GRID2: variants seen among roughly 807,000 people sequenced by gnomAD.
GRID2 encodes glutamate ionotropic receptor delta type subunit 2.
A neutral mutation model predicts 114.8 loss-of-function variants in GRID2; 33 were observed. The observed-to-expected ratio is 0.29, with a 90% CI of 0.22 to 0.38. The LOEUF (loss-of-function observed/expected upper bound fraction) is 0.38, where lower values mean the gene tolerates loss of function less well. GRID2 is among the 10% of genes least tolerant of loss of function. The pLI is 1.00. For missense variants in GRID2, 1,184 were observed against 1,257.7 expected, an observed-to-expected ratio of 0.94 and a Z score of 0.89; for synonymous variants, 505 against 449.9, an observed-to-expected ratio of 1.12 and a Z score of -1.55.
intron 6 of GRID2, among the ~76,000 whole-genome samples, chr4:93,220,847 C>T (rs902932006): frequency 3.9e-5 from 6 of 152,090 alleles, no homozygotes; most frequent in Non-Finnish European, 2.9e-5. Flanking sequence ...TCTATCACTA[C>T]GTGAATGAAG....
chr4:92,588,269 A>G (rs1394064240), intron 1 of GRID2, among the ~76,000 whole-genome samples: 1 of 152,114 alleles, frequency 6.6e-6, no homozygotes, highest in Non-Finnish European at 1.5e-5. Context: ...TTCAGAAAAG[A>G]CAGGTTAAGT....
chr4:93,604,445 T>C (rs1217093039), intron 13 of GRID2, among the ~76,000 whole-genome samples: 3 of 152,216 alleles, frequency 2.0e-5, no homozygotes, highest in African/African-American at 7.2e-5. Context: ...AATGGTTTCT[T>C]GAGATGGAAT....
intron 11 of GRID2, among the ~76,000 whole-genome samples, chr4:93,483,624 T>G (rs1726082915): frequency 6.6e-6 from 1 of 152,022 alleles, no homozygotes; most frequent in African/African-American, 2.4e-5. Context: ...TTCCCAAACT[T>G]GCCTGAAGAA....
intron 2 of GRID2, among the ~76,000 whole-genome samples, chr4:92,825,915 C>G (rs1396495568): frequency 6.6e-6 from 1 of 152,086 alleles, no homozygotes. Context: ...CTGCTTAAGC[C>G]ACTTTTGGTT....
intron 2 of GRID2, among the ~76,000 whole-genome samples, chr4:92,643,099 T>G (rs982446102): frequency 6.6e-6 from 1 of 151,828 alleles, no homozygotes; most frequent in African/African-American, 2.4e-5. Flanking sequence ...TGGTTCCATG[T>G]GAATTTTAGA....
chr4:93,758,909 G>T (rs1436908357), intron 14 of GRID2, among the ~76,000 whole-genome samples: 1 of 151,672 alleles, frequency 6.6e-6, no homozygotes, highest in East Asian at 1.9e-4. Flanking sequence ...ATCACACTGA[G>T]CTTAAGGATG....
At chr4:93,482,388 G>A (rs1725957622) in intron 11 of GRID2, among the ~76,000 whole-genome samples, 1 of 151,972 alleles carries the variant, frequency 6.6e-6, no homozygotes, top group African/African-American at 2.4e-5. Flanking sequence ...CCTTTGCAAG[G>A]ACATGGATGA....
intron 10 of GRID2, among the ~76,000 whole-genome samples, chr4:93,430,030 C>T (rs1268229613): frequency 6.6e-6 from 1 of 152,128 alleles, no homozygotes; most frequent in Non-Finnish European, 1.5e-5. Context: ...GACTACACAG[C>T]TTTCCTAATT....
At position 92,499,718 on chromosome 4, in the gene GRID2, G is replaced by A. The variant is rs139196178; in HGVS notation, c.89-90413G>A. ...ACCTCTCTGCCTTCTGGGTTCATGC[G>A]ATTCTCCTGCCTCAGCCTCCCAAGT... is the stretch of plus-strand genomic sequence containing the variant. On this transcript the variant is annotated intron_variant, in intron 1 of 15. Transcript: ENST00000282020. Among the ~76,000 whole-genome samples the A allele has an allele frequency of 5.4e-3, 815 of 152,222 alleles. 7 individuals carry two copies. Among genetic ancestry groups the A allele is most frequent in the African/African-American group, 0.019 (775 of 41,558 alleles).
intron 8 of GRID2, among the ~76,000 whole-genome samples, chr4:93,384,705 G>T (rs1235262737): frequency 6.6e-6 from 1 of 152,086 alleles, no homozygotes; most frequent in Middle Eastern, 3.2e-3. Context: ...CACGGTGGTT[G>T]TATTATTATC....
Position 93,590,586 on chromosome 4 carries a change from C to G in GRID2, c.2194-35683C>G, listed in dbSNP as rs1044779703. Among the ~76,000 whole-genome samples the G allele has an allele frequency of 5.5e-3, 842 of 152,012 alleles. 9 individuals carry two copies. Among genetic ancestry groups the G allele is most frequent in the African/African-American group, 0.018 (761 of 41,442 alleles). ...CTTTAAAGTAGTTTTTTCCAATTCT[C>G]TGAAGAAAGGCATTGGTAGCTTGAT... On this transcript the variant is annotated intron_variant, in intron 13 of 15. Coordinates refer to ENST00000282020, the MANE Select transcript of GRID2 (RefSeq NM_001510.4).
At chr4:93,329,939 A>G (rs1156850090) in intron 8 of GRID2, among the ~76,000 whole-genome samples, 1 of 151,964 alleles carries the variant, frequency 6.6e-6, no homozygotes, top group Non-Finnish European at 1.5e-5. Flanking sequence ...CTTTTTGTGC[A>G]GCTTCTGCTC....
At chr4:92,354,159 C>T (rs538609987) in intron 1 of GRID2, among the ~76,000 whole-genome samples, 2 of 152,106 alleles carry the variant, frequency 1.3e-5, no homozygotes, top group Non-Finnish European at 2.9e-5. Flanking sequence ...CAGCGTTCCT[C>T]ACTGGGAACA....
chr4:93,709,008 T>C (rs1356174574), intron 14 of GRID2, among the ~76,000 whole-genome samples: 1 of 152,114 alleles, frequency 6.6e-6, no homozygotes, highest in African/African-American at 2.4e-5. Context: ...ATCCCTTCTT[T>C]TAAGCTTTCA....
chr4:92,350,066 A>T (rs748617652), intron 1 of GRID2, among the ~76,000 whole-genome samples: 1 of 151,926 alleles, frequency 6.6e-6, no homozygotes. Context: ...CTTTAGTTCT[A>T]TAAGTGACCG....
rs182440390 is a variant in GRID2, at chr4:93,294,622, G to A, written c.1245+56132G>A. Among the ~76,000 whole-genome samples, 610 of 151,432 alleles carry A rather than the reference G, an allele frequency of 4.0e-3. 4 individuals carry two copies. The highest frequency in any genetic ancestry group is 5.6e-3 in the Non-Finnish European group (380 of 67,780). Reference sequence around the variant, plus strand: ...TGCCCAGGCTGGAGTGCAGTGGTGTGATCTCGGCTCACTGTAACCTCCACC... The same window carrying A: ...TGCCCAGGCTGGAGTGCAGTGGTGTAATCTCGGCTCACTGTAACCTCCACC... On this transcript the variant is annotated intron_variant, in intron 8 of 15. Coordinates refer to ENST00000282020, the MANE Select transcript of GRID2 (RefSeq NM_001510.4).
chr4:92,746,181 G>A (rs747026102), intron 2 of GRID2, among the ~76,000 whole-genome samples: 21 of 152,040 alleles, frequency 1.4e-4, no homozygotes, highest in East Asian at 1.9e-4. Flanking sequence ...CATATTTTGC[G>A]CTATGGTACC....
chr4:93,621,870 T>A (rs1285401662), intron 13 of GRID2, among the ~76,000 whole-genome samples: 1 of 152,192 alleles, frequency 6.6e-6, no homozygotes, highest in Non-Finnish European at 1.5e-5. Context: ...GGAACATTAG[T>A]ATTGCAAGAG....
intron 1 of GRID2, among the ~76,000 whole-genome samples, chr4:92,401,727 A>T (rs1483101647): frequency 6.6e-6 from 1 of 152,148 alleles, no homozygotes; most frequent in African/African-American, 2.4e-5. Context: ...AGTCGTTAAT[A>T]TTTTTGCTAC....
Sources: gnomAD v4.1 joint callset for allele counts (sites outside exome capture counted in the v4.1 genomes callset) on GRCh38, gnomAD v4.1.1 for gene constraint, MANE v1.5 for transcripts, NCBI Gene and HGNC (gene_info 2026-07-23, HGNC 2026-07-21) for gene names.